The following ARNT variants were observed in gnomAD, a reference collection of about 807,000 sequenced individuals.
ARNT encodes the protein class E basic helix-loop-helix protein 2.
Under a neutral mutation model 105.0 loss-of-function variants are expected in ARNT, and 30 were observed. The ratio of observed to expected loss-of-function variants is 0.29; its 90% confidence interval spans 0.21 to 0.39. The LOEUF (loss-of-function observed/expected upper bound fraction) is 0.39, where lower values mean the gene tolerates loss of function less well. Among genes scored for constraint, ARNT ranks in the 10% least tolerant of loss-of-function variants. The pLI, the probability that ARNT is intolerant of heterozygous loss-of-function variation, is 1.00. For missense variants in ARNT, 748 were observed against 978.7 expected, an observed-to-expected ratio of 0.76 and a Z score of 3.15; for synonymous variants, 304 against 344.0, an observed-to-expected ratio of 0.88 and a Z score of 1.29.
intron 19 of ARNT, 39 bp from the exon 20 acceptor site, chr1:150,814,278 C>T (rs185296119): frequency 6.3e-7 from 1 of 1,592,558 alleles, no homozygotes; most frequent in South Asian, 1.1e-5. Flanking sequence ...ACAAATACAG[C>T]ATTAACATCA....
intron 1 of ARNT, among the ~76,000 whole-genome samples, chr1:150,864,774 A>T (rs1245150012): frequency 4.2e-4 from 58 of 137,142 alleles, no homozygotes; most frequent in South Asian, 3.5e-3. Flanking sequence ...AAAAATAAAT[A>T]AATAAATAAA....
chr1:150,829,033 T>C, intron 12 of ARNT, 60 bp downstream of exon 12: 1 of 1,588,964 alleles, frequency 6.3e-7, no homozygotes, highest in Non-Finnish European at 8.6e-7. Context: ...AACTACATGA[T>C]TACATAATGT....
intron 1 of ARNT, among the ~76,000 whole-genome samples, chr1:150,876,040 A>C (rs190280437): frequency 3.3e-5 from 5 of 152,356 alleles, no homozygotes; most frequent in African/African-American, 1.2e-4. Context: ...GTATATATCA[A>C]AGAATGTCCA....
intron 1 of ARNT, among the ~76,000 whole-genome samples, chr1:150,864,100 C>T (rs891308462): frequency 6.6e-6 from 1 of 152,080 alleles, no homozygotes; most frequent in Non-Finnish European, 1.5e-5. Flanking sequence ...CCAACCTGTA[C>T]AACATGTTAC....
intron 2 of ARNT, among the ~76,000 whole-genome samples, chr1:150,856,382 G>A (rs970972918): frequency 1.3e-5 from 2 of 152,026 alleles, no homozygotes; most frequent in African/African-American, 4.8e-5. Flanking sequence ...GGAGGTTACA[G>A]TGAGCTGAGA....
intron 7 of ARNT, among the ~76,000 whole-genome samples, chr1:150,835,157 A>G (rs1660081859): frequency 6.6e-6 from 1 of 150,984 alleles, no homozygotes; most frequent in Non-Finnish European, 1.5e-5. Context: ...AAAAAAGAAT[A>G]AAAAGAAAAA....
chr1:150,849,212 A>AT (rs1459754475), intron 3 of ARNT, among the ~76,000 whole-genome samples: 3 of 151,926 alleles, frequency 2.0e-5, no homozygotes, highest in Non-Finnish European at 4.4e-5. Context: ...TCAAAAAAAA[A>AT]GAAAGAAAGA....
intron 1 of ARNT, among the ~76,000 whole-genome samples, chr1:150,859,370 G>T (rs1305174213): frequency 6.8e-6 from 1 of 147,888 alleles, no homozygotes; most frequent in Admixed American, 6.7e-5. Flanking sequence ...TTTAAGACAG[G>T]GTCTCACTTT....
chr1:150,826,690 G>A (rs1177935831), intron 12 of ARNT, 73 bp from the exon 13 acceptor site: 33 of 1,192,690 alleles, frequency 2.8e-5, no homozygotes, highest in Non-Finnish European at 4.0e-5. Flanking sequence ...TGTTGCCCAG[G>A]CTGGAGTACG....
At chr1:150,835,746 G>A (rs753764198) in intron 7 of ARNT, among the ~76,000 whole-genome samples, 93 of 151,884 alleles carry the variant, frequency 6.1e-4, no homozygotes, top group Non-Finnish European at 1.1e-3. Flanking sequence ...GATATGACTT[G>A]TTTCCTCTAG....
chr1:150,847,859 T>C (rs924477095), intron 3 of ARNT, among the ~76,000 whole-genome samples: 1 of 152,242 alleles, frequency 6.6e-6, no homozygotes, highest in Non-Finnish European at 1.5e-5. Context: ...CACTTGCAAC[T>C]ATTTCTTTAT....
chr1:150,866,542 G>A (rs1383678408), intron 1 of ARNT, among the ~76,000 whole-genome samples: 1 of 152,154 alleles, frequency 6.6e-6, no homozygotes, highest in Non-Finnish European at 1.5e-5. Context: ...GATGCCACTG[G>A]AGAGAAGGAA....
At chr1:150,843,549 A>G (rs1490616252) in intron 4 of ARNT, among the ~76,000 whole-genome samples, 2 of 152,262 alleles carry the variant, frequency 1.3e-5, no homozygotes, top group Non-Finnish European at 2.9e-5. Context: ...TTACGCATAT[A>G]TTCTGATGAC....
chr1:150,836,931 T>C (rs1360481089), intron 6 of ARNT, among the ~76,000 whole-genome samples: 1 of 152,020 alleles, frequency 6.6e-6, no homozygotes, highest in East Asian at 1.9e-4. Flanking sequence ...CCAGGTGTGG[T>C]GGCACACGCC....
rs79789483 is a variant in ARNT at position 150,839,083 on chromosome 1, C to T, written c.486+358G>A. ...ATTCTATTACTAAAACTAGAAGCTGCTTCAGGGATAAGAAATAGATTTCTT... is the reference window on the plus strand; with the variant it reads ...ATTCTATTACTAAAACTAGAAGCTGTTTCAGGGATAAGAAATAGATTTCTT... On this transcript the variant is annotated intron_variant, in intron 6 of 21. Coordinates refer to ENST00000358595, the MANE Select transcript of ARNT (RefSeq NM_001668.4). 2.6e-3 allele frequency among the ~76,000 whole-genome samples: 399 copies of T among 152,264 alleles called. 2 individuals are homozygous for T. The highest frequency in any genetic ancestry group is 9.0e-3 in the African/African-American group (375 of 41,560).
chr1:150,812,800 C>A (rs140941896), intron 21 of ARNT: 60 of 163,448 alleles, frequency 3.7e-4, no homozygotes, highest in Non-Finnish European at 7.0e-4. Context: ...TCTTTGGCAT[C>A]TTCCTATGGT....
intron 3 of ARNT, among the ~76,000 whole-genome samples, chr1:150,846,994 A>G (rs72704652): frequency 0.34 from 52,445 of 152,036 alleles, 9,369 homozygotes; most frequent in South Asian, 0.53. Flanking sequence ...TACATACTAC[A>G]TTTTCTGTAA....
At chr1:150,836,783 G>A (rs907406490) in intron 6 of ARNT, among the ~76,000 whole-genome samples, 1 of 152,166 alleles carries the variant, frequency 6.6e-6, no homozygotes, top group African/African-American at 2.4e-5. Flanking sequence ...GGCTCCCGCC[G>A]GTAATCCCAG....
chr1:150,828,819 G>A (rs1571257888), intron 12 of ARNT, among the ~76,000 whole-genome samples: 1 of 152,114 alleles, frequency 6.6e-6, no homozygotes, highest in East Asian at 1.9e-4. Context: ...TAATTAATAT[G>A]AGTACCTTTG....
Sources: allele counts gnomAD v4.1 joint callset (sites outside exome capture counted in the v4.1 genomes callset), GRCh38; gene constraint gnomAD v4.1.1; transcripts MANE v1.5; gene names NCBI Gene and HGNC (gene_info 2026-07-23, HGNC 2026-07-21).